NR1I2: variants seen among roughly 807,000 people sequenced by gnomAD.
The protein encoded by NR1I2 is orphan nuclear receptor PAR1.
In NR1I2, 42 loss-of-function variants were observed where a neutral mutation model predicts 43.3. That is an observed-to-expected ratio of 0.97 (90% CI 0.76 to 1.26). NR1I2 has a LOEUF of 1.26. NR1I2 is among the 50% of genes most tolerant of loss of function. The pLI is 0.00. For synonymous variants in NR1I2, 229 were observed against 215.0 expected, an observed-to-expected ratio of 1.06 and a Z score of -0.57; for missense variants, 559 against 566.7, an observed-to-expected ratio of 0.99 and a Z score of 0.14.
At chr3:119,811,976 T>C (rs1410376516) in intron 4 of NR1I2, among the ~76,000 whole-genome samples, 3 of 152,168 alleles carry the variant, frequency 2.0e-5, no homozygotes, top group African/African-American at 7.2e-5. Flanking sequence ...TCAGATCTCC[T>C]GAATCTGAAG....
rs537412427 is a variant in NR1I2, at chr3:119,808,375, C to A, written c.197+928C>A. 1.6e-4 allele frequency among the ~76,000 whole-genome samples: 25 copies of A among 152,372 alleles called. No homozygotes were observed. The South Asian group carries it at 5.0e-3, about 30-fold the overall frequency. ...GGCCCATCTTTGAGAGTAAGGAAATCTTTCCCAGGAGTCCCCTCACATTGG... is the reference window on the plus strand; with the variant it reads ...GGCCCATCTTTGAGAGTAAGGAAATATTTCCCAGGAGTCCCCTCACATTGG... On this transcript the variant is annotated intron_variant, in intron 2 of 8. Transcript: ENST00000393716.
chr3:119,792,238 T>C, intron 1 of NR1I2: 1 of 1,539,992 alleles, frequency 6.5e-7, no homozygotes, highest in Non-Finnish European at 8.9e-7. Context: ...GGAGAACTAA[T>C]CACCCAGAGA....
In NR1I2 at chr3:119,798,657, A is replaced by AAG. The variant is rs1559785738; in HGVS notation, c.-22-8571_-22-8570insGA. The stretch of plus-strand genomic sequence containing the variant: ...TCCGTCTCAAAAAAAAAAAAAAAGA[A>AAG]AAAGAAAGAAAGAAAAAGAAACCTC... On this transcript the variant is annotated intron_variant, in intron 1 of 8. Coordinates refer to ENST00000393716, the MANE Select transcript of NR1I2 (RefSeq NM_003889.4). Among the ~76,000 whole-genome samples, 279 of 148,368 alleles carry AAG rather than the reference A, an allele frequency of 1.9e-3. 1 individual carries two copies. Among genetic ancestry groups the AAG allele is most frequent in the African/African-American group, 6.5e-3 (263 of 40,726 alleles).
chr3:119,784,630 T>G (rs1319366552), intron 1 of NR1I2, among the ~76,000 whole-genome samples: 1 of 152,216 alleles, frequency 6.6e-6, no homozygotes, highest in Non-Finnish European at 1.5e-5. Flanking sequence ...TCCAAAATTA[T>G]GAAGCTACTT....
chr3:119,796,663 C>T (rs1016596940), intron 1 of NR1I2, among the ~76,000 whole-genome samples: 1 of 152,232 alleles, frequency 6.6e-6, no homozygotes, highest in African/African-American at 2.4e-5. Context: ...CATTTCTTTC[C>T]CTCCACATTC....
intron 6 of NR1I2, 98 bp downstream of exon 6, chr3:119,815,219 AG>A (rs2055306628): frequency 6.3e-7 from 1 of 1,587,310 alleles, no homozygotes; most frequent in African/African-American, 1.3e-5. Context: ...CTGGGATGGC[AG>A]GGCAGGAAGA....
At chr3:119,816,986 G>T (rs1577288560) in intron 8 of NR1I2, 82 bp from the exon 9 acceptor site, 1 of 1,570,816 alleles carries the variant, frequency 6.4e-7, no homozygotes, top group Non-Finnish European at 8.8e-7. Context: ...CAGAGATTAT[G>T]CTTGTGCAGC....
chr3:119,786,469 C>T (rs966152684), intron 1 of NR1I2, among the ~76,000 whole-genome samples: 8 of 152,142 alleles, frequency 5.3e-5, no homozygotes, highest in East Asian at 1.9e-4. Flanking sequence ...TATCCAAATC[C>T]CTCATGTAAT....
chr3:119,814,090 G>A (rs1345797658), intron 5 of NR1I2, among the ~76,000 whole-genome samples: 2 of 152,190 alleles, frequency 1.3e-5, no homozygotes, highest in Non-Finnish European at 2.9e-5. Flanking sequence ...TCAATTACAT[G>A]GCATTTGTAG....
At chr3:119,809,138 A>G (rs536975642) in intron 2 of NR1I2, among the ~76,000 whole-genome samples, 17 of 152,148 alleles carry the variant, frequency 1.1e-4, no homozygotes, top group Non-Finnish European at 2.4e-4. Flanking sequence ...GCCTTCCCTC[A>G]GTTTCCACTC....
intron 1 of NR1I2, among the ~76,000 whole-genome samples, chr3:119,789,149 A>T (rs1420860504): frequency 6.6e-6 from 1 of 152,174 alleles, no homozygotes; most frequent in African/African-American, 2.4e-5. Context: ...GAAGGCAAAA[A>T]TCTCAATTGC....
At position 119,812,795 on chromosome 3, in the gene NR1I2, A is replaced by T; in HGVS notation, c.629A>T (p.Lys210Met). Residue 210 changes from lysine to methionine, a missense_variant, in exon 5 of 9, where the codon AAG (lysine) becomes ATG (methionine). Lys to Met is a moderately conservative substitution (Grantham distance 95, BLOSUM62 -1). Around this residue, in one of 3 missense-constraint regions of NR1I2, gnomAD observed 323 missense variants for 312.2 expected, o/e 1.03. Coordinates refer to ENST00000393716, the MANE Select transcript of NR1I2 (RefSeq NM_003889.4). ...GTCCGGAAAGATCTGTGCTCTTTGAAGGTCTCTCTGCAGCTGCGGGGGGAG... is the reference window on the plus strand; with the variant it reads ...GTCCGGAAAGATCTGTGCTCTTTGATGGTCTCTCTGCAGCTGCGGGGGGAG... 1.2e-6 allele frequency: 2 copies of T among 1,614,234 alleles called. No homozygotes were observed. The highest frequency in any genetic ancestry group is 2.2e-5 in the South Asian group (2 of 91,082).
rs758279497 is a variant in NR1I2 at position 119,804,442 on chromosome 3, A to ATTT, written c.-22-2770_-22-2768dup. The stretch of plus-strand genomic sequence containing the variant: ...ACATTTAACTACCAACATAGTTGGT[A>ATTT]TTTTTTTTTTTTTTTTTTTGAGACG... On this transcript the variant is annotated intron_variant, in intron 1 of 8. Coordinates refer to ENST00000393716, the MANE Select transcript of NR1I2 (RefSeq NM_003889.4). Among the ~76,000 whole-genome samples the ATTT allele has an allele frequency of 3.4e-5, 4 of 118,556 alleles. No homozygotes were observed. In the South Asian group the frequency reaches 8.6e-4, roughly 25 times the overall value. 77.8% of individuals were successfully genotyped at this position (118,556 alleles called of 152,430 possible). A position where few individuals can be genotyped will look rare whatever the true frequency, so the allele number is the denominator to read the frequency against.
chr3:119,808,209 G>A (rs1347742404), intron 2 of NR1I2, among the ~76,000 whole-genome samples: 1 of 152,236 alleles, frequency 6.6e-6, no homozygotes, highest in Non-Finnish European at 1.5e-5. Flanking sequence ...CTCCAGGTTA[G>A]TGAGTTCAGC....
At chr3:119,807,136 T>G in intron 1 of NR1I2, 93 bp from the exon 2 acceptor site, 1 of 1,141,460 alleles carries the variant, frequency 8.8e-7, no homozygotes, top group South Asian at 1.3e-5. Context: ...GGCCCAAATG[T>G]GAGTGATGCA....
At chr3:119,814,561 C>T (rs550268259) in intron 5 of NR1I2, among the ~76,000 whole-genome samples, 2 of 152,326 alleles carry the variant, frequency 1.3e-5, no homozygotes, top group South Asian at 2.1e-4. Flanking sequence ...GGGGCAAAGA[C>T]ATAGCATGGC....
chr3:119,798,274 T>C (rs1300915134), intron 1 of NR1I2, among the ~76,000 whole-genome samples: 1 of 152,238 alleles, frequency 6.6e-6, no homozygotes, highest in African/African-American at 2.4e-5. Context: ...TTGAACTCAC[T>C]ATCACTGTCT....
chr3:119,809,004 C>T (rs1202407922), intron 2 of NR1I2, among the ~76,000 whole-genome samples: 1 of 152,216 alleles, frequency 6.6e-6, no homozygotes, highest in African/African-American at 2.4e-5. Context: ...GGGCTGGTCA[C>T]TGGTCCGAGG....
In NR1I2 at chr3:119,783,533, A is replaced by C. The variant is rs533980428; in HGVS notation, c.-23+1233A>C. Among the ~76,000 whole-genome samples, 11 of 152,280 alleles carry C rather than the reference A, an allele frequency of 7.2e-5. No individual in the cohort carries two copies. The South Asian group carries it at 1.4e-3, about 20-fold the overall frequency. On this transcript the variant is annotated intron_variant, in intron 1 of 8. Coordinates refer to ENST00000393716, the MANE Select transcript of NR1I2 (RefSeq NM_003889.4). Reference sequence around the variant, plus strand: ...GGCCTTTAACAGAAAAAGTTTGCCAACTCCTGATCTAAAAGCTGTCAACTT... The same window carrying C: ...GGCCTTTAACAGAAAAAGTTTGCCACCTCCTGATCTAAAAGCTGTCAACTT...
Sources: gnomAD v4.1 joint callset for allele counts (sites outside exome capture counted in the v4.1 genomes callset) on GRCh38, gnomAD v4.1.1 for gene constraint, gnomAD v4.1.1 regional missense constraint, MANE v1.5 for transcripts, NCBI Gene and HGNC (gene_info 2026-07-23, HGNC 2026-07-21) for gene names.